Variants in EPHA6 observed in about 807,000 individuals in gnomAD.
EPHA6 encodes the protein EPH receptor A6.
Under a neutral mutation model 112.0 loss-of-function variants are expected in EPHA6, and 50 were observed. That is an observed-to-expected ratio of 0.45 (90% CI 0.36 to 0.56). The LOEUF (loss-of-function observed/expected upper bound fraction) is 0.56, where lower values mean the gene tolerates loss of function less well. Ranked by LOEUF, EPHA6 falls within the 20% of genes least tolerant of loss-of-function variation. The probability of loss-of-function intolerance (pLI) is 0.00; values close to 1 mark genes in which losing one functional copy is unlikely to be tolerated. For synonymous variants in EPHA6, 529 were observed against 490.7 expected (o/e 1.08, Z -1.03); for missense variants, 1,280 against 1,417.4 (o/e 0.90, Z 1.56).
intron 5 of EPHA6, among the ~76,000 whole-genome samples, chr3:97,401,642 T>A (rs1366034038): frequency 6.6e-6 from 1 of 151,806 alleles, no homozygotes; most frequent in Non-Finnish European, 1.5e-5. Context: ...TGATGTTTTG[T>A]ATTATTTCAT....
chr3:96,840,678 AAC>A (rs1287979390), intron 1 of EPHA6, among the ~76,000 whole-genome samples: 2 of 152,068 alleles, frequency 1.3e-5, no homozygotes, highest in Non-Finnish European at 2.9e-5. Context: ...AGTGGGCAAG[AAC>A]ACTGCCAATT....
intron 5 of EPHA6, among the ~76,000 whole-genome samples, chr3:97,270,636 C>T (rs947023477): frequency 6.6e-6 from 1 of 152,146 alleles, no homozygotes; most frequent in African/African-American, 2.4e-5. Context: ...TGAATTAGGC[C>T]ATCTTGCCAC....
chr3:96,857,437 C>T lies in EPHA6; in HGVS notation c.386-9388C>T, dbSNP rs183783442. On this transcript the variant is annotated intron_variant, in intron 1 of 17. Transcript: ENST00000389672. Reference sequence around the variant, plus strand: ...TAAATGTTTCATTTATGAACCATTCCTCCTCCTAACTCCTCTGCAATAGAG... The same window carrying T: ...TAAATGTTTCATTTATGAACCATTCTTCCTCCTAACTCCTCTGCAATAGAG... 6.6e-5 allele frequency among the ~76,000 whole-genome samples: 10 copies of T among 152,186 alleles called. No homozygotes were observed. The East Asian group carries it at 1.7e-3, about 26-fold the overall frequency.
chr3:97,607,200 A>AC (rs1491372327), intron 12 of EPHA6, among the ~76,000 whole-genome samples: 2 of 149,204 alleles, frequency 1.3e-5, no homozygotes, highest in South Asian at 2.1e-4. Flanking sequence ...AAAAAAAAAA[A>AC]CACAAAAAGA....
chr3:97,343,523 T>G (rs1013736373), intron 5 of EPHA6, among the ~76,000 whole-genome samples: 1 of 152,158 alleles, frequency 6.6e-6, no homozygotes, highest in Non-Finnish European at 1.5e-5. Flanking sequence ...AGAGAGTATA[T>G]TCAGAAGAGA....
chr3:97,582,098 C>T (rs2093443995), intron 11 of EPHA6, among the ~76,000 whole-genome samples: 1 of 151,968 alleles, frequency 6.6e-6, no homozygotes, highest in Non-Finnish European at 1.5e-5. Flanking sequence ...GGCCCAATCT[C>T]AGCTTACTGC....
rs530330028 is a variant in EPHA6, at chr3:97,269,831, G to A, written c.1606+25544G>A. Among the ~76,000 whole-genome samples the A allele has an allele frequency of 9.2e-5, 14 of 151,830 alleles. 1 individual carries two copies. In the South Asian group the frequency reaches 1.9e-3, roughly 20 times the overall value. On this transcript the variant is annotated intron_variant, in intron 5 of 17. Coordinates refer to ENST00000389672, the MANE Select transcript of EPHA6 (RefSeq NM_001080448.3). ...TCATTGTATTCTTCATATCCTGCTG[G>A]ATGAATGAAACAAAGTATACAAGAA... is the stretch of plus-strand genomic sequence containing the variant.
At position 97,564,993 on chromosome 3, in the gene EPHA6, G is replaced by A. The variant is rs148806698; in HGVS notation, c.2387-27619G>A. ...AAAATGAAGGATGGAAGTAACTCTC[G>A]CCAGCACAGAGATGATATCCACAAT... On this transcript the variant is annotated intron_variant, in intron 11 of 17. Transcript: ENST00000389672. Among the ~76,000 whole-genome samples the A allele has an allele frequency of 1.7e-3, 262 of 152,142 alleles. 2 individuals carry two copies. Among genetic ancestry groups the A allele is most frequent in the Middle Eastern group, 0.01 (3 of 294 alleles).
chr3:97,245,545 T>C (rs551654965), intron 5 of EPHA6, among the ~76,000 whole-genome samples: 1 of 152,076 alleles, frequency 6.6e-6, no homozygotes, highest in Non-Finnish European at 1.5e-5. Flanking sequence ...ATACATTGAT[T>C]TGAATGTGTT....
intron 3 of EPHA6, among the ~76,000 whole-genome samples, chr3:97,202,454 C>T (rs2077600358): frequency 6.6e-6 from 1 of 151,832 alleles, no homozygotes; most frequent in African/African-American, 2.4e-5. Flanking sequence ...ACTCAAGTCT[C>T]CATGGTACCT....
chr3:97,366,329 A>G lies in EPHA6; in HGVS notation c.1607-38821A>G, dbSNP rs115027251. On this transcript the variant is annotated intron_variant, in intron 5 of 17. Coordinates refer to ENST00000389672, the MANE Select transcript of EPHA6 (RefSeq NM_001080448.3). The stretch of plus-strand genomic sequence containing the variant: ...TAATTACTTCAGCAAATATTTATTC[A>G]GCATCTACTGTATATCAGGCAGCAT... Among the ~76,000 whole-genome samples the G allele has an allele frequency of 9.5e-3, 1,447 of 152,000 alleles. 21 individuals are homozygous for G. Among genetic ancestry groups the G allele is most frequent in the African/African-American group, 0.033 (1,345 of 41,288 alleles).
At chr3:97,645,787 A>G (rs1053032204) in intron 14 of EPHA6, among the ~76,000 whole-genome samples, 1 of 152,162 alleles carries the variant, frequency 6.6e-6, no homozygotes, top group Non-Finnish European at 1.5e-5. Flanking sequence ...AGTTGTATCT[A>G]TATATAACTT....
chr3:96,904,163 T>C (rs2038783554), intron 2 of EPHA6, among the ~76,000 whole-genome samples: 1 of 152,022 alleles, frequency 6.6e-6, no homozygotes, highest in East Asian at 1.9e-4. Flanking sequence ...CACACGTATG[T>C]TTATTGTGGC....
At chr3:97,605,536 A>G (rs542286384) in intron 12 of EPHA6, among the ~76,000 whole-genome samples, 10 of 151,270 alleles carry the variant, frequency 6.6e-5, no homozygotes, top group Non-Finnish European at 1.3e-4. Context: ...GTTTTTGTCA[A>G]TTTTGTTGGA....
intron 1 of EPHA6, among the ~76,000 whole-genome samples, chr3:96,864,322 A>T (rs2036180848): frequency 6.6e-6 from 1 of 152,112 alleles, no homozygotes; most frequent in Non-Finnish European, 1.5e-5. Context: ...AATAGCCCAG[A>T]TGTCCATCAA....
intron 3 of EPHA6, among the ~76,000 whole-genome samples, chr3:97,134,119 A>G (rs1015642745): frequency 6.6e-6 from 1 of 152,024 alleles, no homozygotes; most frequent in Admixed American, 6.6e-5. Flanking sequence ...ACAAATGAAG[A>G]GATTTGATGT....
intron 12 of EPHA6, among the ~76,000 whole-genome samples, chr3:97,599,666 G>C (rs1186119237): frequency 6.6e-6 from 1 of 152,034 alleles, no homozygotes; most frequent in East Asian, 1.9e-4. Context: ...TTTGGTTACT[G>C]TAGCCTTGTA....
In EPHA6 at chr3:97,748,636, G is replaced by C. The variant is rs2035814051; in HGVS notation, c.3328G>C (p.Val1110Leu). ...ACTTATTGGACACCAGAGACGAATAGTCAGCAGCATACAGACTTTACGTTT... is the reference window on the plus strand; with the variant it reads ...ACTTATTGGACACCAGAGACGAATACTCAGCAGCATACAGACTTTACGTTT... ...VILIGHQRRI[V>L]SSIQTLRLHM... The change falls in exon 18 of 18, where the codon GTC becomes CTC. Residue 1110 changes from valine to leucine, a missense_variant. Around this residue, in one of 4 missense-constraint regions of EPHA6, gnomAD observed 145 missense variants for 153.3 expected, o/e 0.95. Coordinates refer to ENST00000389672, the MANE Select transcript of EPHA6 (RefSeq NM_001080448.3). 6.2e-7 allele frequency: 1 copy of C among 1,612,600 alleles called. No homozygotes were observed. Among genetic ancestry groups the C allele is most frequent in the South Asian group, 1.1e-5 (1 of 90,958 alleles).
chr3:97,181,031 G>A (rs910627993), intron 3 of EPHA6, among the ~76,000 whole-genome samples: 7 of 152,090 alleles, frequency 4.6e-5, no homozygotes, highest in African/African-American at 1.4e-4. Context: ...GAGGTTTGCA[G>A]GTACTCAAGT....
Sources: allele counts gnomAD v4.1 joint callset (sites outside exome capture counted in the v4.1 genomes callset), GRCh38; gene constraint gnomAD v4.1.1; regional missense constraint gnomAD v4.1.1; transcripts MANE v1.5; gene names NCBI Gene and HGNC (gene_info 2026-07-23, HGNC 2026-07-21).